DRD3: variants seen among roughly 807,000 people sequenced by gnomAD.
DRD3 encodes the protein dopamine receptor D3, also known as D(3) dopamine receptor.
A neutral mutation model predicts 36.3 loss-of-function variants in DRD3; 19 were observed. The observed-to-expected ratio is 0.52, with a 90% CI of 0.36 to 0.77. The LOEUF is 0.77. Among genes scored for constraint, DRD3 ranks in the 30% least tolerant of loss-of-function variants. The pLI is 0.00. For missense variants in DRD3, 465 were observed against 505.3 expected, an observed-to-expected ratio of 0.92 and a Z score of 0.77; for synonymous variants, 195 against 203.7, an observed-to-expected ratio of 0.96 and a Z score of 0.36.
At chr3:114,157,971 TC>T (rs1390387414) in intron 3 of DRD3, among the ~76,000 whole-genome samples, 1 of 152,088 alleles carries the variant, frequency 6.6e-6, no homozygotes, top group Non-Finnish European at 1.5e-5. Flanking sequence ...ATGTGGTGGC[TC>T]ATGCCTGTAA....
intron 3 of DRD3, among the ~76,000 whole-genome samples, chr3:114,157,282 G>A (rs1310976879): frequency 6.6e-6 from 1 of 152,006 alleles, no homozygotes; most frequent in Non-Finnish European, 1.5e-5. Flanking sequence ...TCGAACTCCT[G>A]ACCTCAAACG....
At chr3:114,138,128 C>T (rs1458290347) in intron 5 of DRD3, among the ~76,000 whole-genome samples, 2 of 140,510 alleles carry the variant, frequency 1.4e-5, no homozygotes, top group Non-Finnish European at 3.0e-5. Flanking sequence ...GAGATCATGT[C>T]ACTGCACTCC....
In DRD3 at chr3:114,128,643, C is replaced by A. The variant is rs923986295; in HGVS notation, c.*73G>T. On this transcript the variant is annotated 3_prime_UTR_variant, in exon 7 of 7. Coordinates refer to ENST00000383673, the MANE Select transcript of DRD3 (RefSeq NM_000796.6). ...TCCTACTGCATGCCGGAGGACACTG[C>A]ACAGTCTTTCTGAGTGGGCCAACAG... is the stretch of plus-strand genomic sequence containing the variant. 9 of 1,449,044 alleles carry A rather than the reference C, an allele frequency of 6.2e-6. No individual in the cohort carries two copies. Among genetic ancestry groups the A allele is most frequent in the Non-Finnish European group, 8.3e-6 (9 of 1,081,246 alleles). 89.8% of individuals were successfully genotyped at this position (1,449,044 alleles called of 1,614,324 possible).
intron 1 of DRD3, among the ~76,000 whole-genome samples, chr3:114,195,942 A>G (rs181564547): frequency 2.6e-4 from 40 of 152,340 alleles, no homozygotes; most frequent in Non-Finnish European, 5.1e-4. Context: ...ACAAAACTTC[A>G]AAGCTGTGCA....
intron 3 of DRD3, among the ~76,000 whole-genome samples, chr3:114,149,121 C>T (rs2077594425): frequency 1.3e-5 from 2 of 152,152 alleles, no homozygotes; most frequent in Admixed American, 6.5e-5. Flanking sequence ...TGTCCCTGTT[C>T]TCTTTGAGCT....
At chr3:114,144,896 C>T (rs2077557607) in intron 4 of DRD3, among the ~76,000 whole-genome samples, 1 of 152,078 alleles carries the variant, frequency 6.6e-6, no homozygotes, top group Non-Finnish European at 1.5e-5. Context: ...CTTAAAAATC[C>T]TTTTGGAAAA....
At chr3:114,145,941 C>G (rs1317563703) in intron 4 of DRD3, among the ~76,000 whole-genome samples, 1 of 152,142 alleles carries the variant, frequency 6.6e-6, no homozygotes, top group Non-Finnish European at 1.5e-5. Flanking sequence ...TTAATTCACT[C>G]AAGTGTATGC....
At chr3:114,162,075 A>G (rs2077738303) in intron 2 of DRD3, among the ~76,000 whole-genome samples, 2 of 152,228 alleles carry the variant, frequency 1.3e-5, no homozygotes, top group African/African-American at 4.8e-5. Context: ...CTTGGTTTGC[A>G]GCAGTGTATG....
chr3:114,144,077 C>A (rs190516176), intron 4 of DRD3, among the ~76,000 whole-genome samples: 1 of 152,208 alleles, frequency 6.6e-6, no homozygotes, highest in South Asian at 2.1e-4. Context: ...GACTGCTGGG[C>A]CTCTGCTGGG....
upstream of DRD3, among the ~76,000 whole-genome samples, chr3:114,181,764 TG>T (rs951887659): frequency 1.1e-4 from 17 of 152,202 alleles, no homozygotes; most frequent in African/African-American, 3.6e-4. Flanking sequence ...TCAGTGATTT[TG>T]TTTGAAAGGA....
Position 114,131,146 on chromosome 3 carries a change from C to G in DRD3, c.978G>C (p.Lys326Asn). The change falls in exon 6 of 7, where the codon AAG (lysine) becomes AAC (asparagine). Residue 326 changes from lysine (K) to asparagine (N), a missense_variant. By Grantham distance (94) the Lys-to-Asn change is moderately conservative. Coordinates refer to ENST00000383673, the MANE Select transcript of DRD3 (RefSeq NM_000796.6). ...QPRGVPLREK[K>N]ATQMVAIVLG... Reference sequence around the variant, plus strand: ...GCACAATGGCCACCATTTGGGTTGCCTTCTTCTCCCGAAGTGGCACTCCCC... The same window carrying G: ...GCACAATGGCCACCATTTGGGTTGCGTTCTTCTCCCGAAGTGGCACTCCCC... The G allele has an allele frequency of 6.2e-7, 1 of 1,614,128 alleles. No homozygotes were observed. Among genetic ancestry groups the G allele is most frequent in the Non-Finnish European group, 8.5e-7 (1 of 1,179,942 alleles).
rs563877731 is a variant in DRD3, at chr3:114,159,404, C to T, written c.383+351G>A. ...ACAAAACAACAACAGAATTTCCTAC[C>T]AACCCCAGTCAGCTCACCTTTCCTC... On this transcript the variant is annotated intron_variant, in intron 3 of 6. Transcript: ENST00000383673. 4.0e-5 allele frequency among the ~76,000 whole-genome samples: 6 copies of T among 151,850 alleles called. No individual in the cohort carries two copies. In the South Asian group the frequency reaches 1.3e-3, roughly 32 times the overall value.
intron 3 of DRD3, among the ~76,000 whole-genome samples, chr3:114,156,740 TC>T (rs2077673518): frequency 9.7e-5 from 1 of 10,298 alleles, no homozygotes; most frequent in African/African-American, 1.6e-4. Context: ...TTTCTTTCTT[TC>T]TTTTTCTTTC....
chr3:114,155,356 T>C (rs2077656250), intron 3 of DRD3, among the ~76,000 whole-genome samples: 1 of 152,162 alleles, frequency 6.6e-6, no homozygotes, highest in African/African-American at 2.4e-5. Context: ...TATAGAACTA[T>C]GAGCCAAGAA....
chr3:114,196,720 A>G (rs2078037242), intron 1 of DRD3, among the ~76,000 whole-genome samples: 1 of 152,190 alleles, frequency 6.6e-6, no homozygotes, highest in Admixed American at 6.5e-5. Flanking sequence ...GCGTTTCTCT[A>G]ATGAATAACG....
At chr3:114,155,431 T>C (rs1025103402) in intron 3 of DRD3, among the ~76,000 whole-genome samples, 2 of 152,164 alleles carry the variant, frequency 1.3e-5, no homozygotes, top group Non-Finnish European at 2.9e-5. Flanking sequence ...AAGTGCTGTG[T>C]ATTCTCGGAG....
At chr3:114,134,741 GT>G (rs1313838798) in intron 5 of DRD3, among the ~76,000 whole-genome samples, 1 of 151,960 alleles carries the variant, frequency 6.6e-6, no homozygotes, top group Non-Finnish European at 1.5e-5. Flanking sequence ...TTAAATGGTG[GT>G]CCACAGAGGT....
At chr3:114,180,887 A>T (rs1253390917), upstream of DRD3, among the ~76,000 whole-genome samples, 4 of 152,188 alleles carry the variant, frequency 2.6e-5, no homozygotes, top group Non-Finnish European at 5.9e-5. Context: ...GAGTAATGTC[A>T]GGCTGTTATG....
At chr3:114,198,563 T>C (rs540700357) in intron 1 of DRD3, among the ~76,000 whole-genome samples, 1 of 152,318 alleles carries the variant, frequency 6.6e-6, no homozygotes, top group South Asian at 2.1e-4. Context: ...TGGGTAGATT[T>C]TTTGGTGTAG....
Sources: gnomAD v4.1 joint callset for allele counts (sites outside exome capture counted in the v4.1 genomes callset) on GRCh38, gnomAD v4.1.1 for gene constraint, MANE v1.5 for transcripts, NCBI Gene and HGNC (gene_info 2026-07-23, HGNC 2026-07-21) for gene names.